The following GABRG3 variants were observed in gnomAD, a reference collection of about 807,000 sequenced individuals.
GABRG3 encodes gamma-aminobutyric acid type A receptor subunit gamma3.
Under a neutral mutation model 48.8 loss-of-function variants are expected in GABRG3, and 25 were observed. The ratio of observed to expected loss-of-function variants is 0.51; its 90% CI spans 0.37 to 0.72. The LOEUF is 0.72. GABRG3 is among the 30% of genes least tolerant of loss of function. The pLI is 0.00. For synonymous variants in GABRG3, 227 were observed against 217.6 expected, an observed-to-expected ratio of 1.04 and a Z score of -0.38; for missense variants, 394 against 577.9, an observed-to-expected ratio of 0.68 and a Z score of 3.26.
chr15:26,978,395 G>T (rs995329456), intron 2 of GABRG3, among the ~76,000 whole-genome samples: 2 of 151,834 alleles, frequency 1.3e-5, no homozygotes, highest in Non-Finnish European at 2.9e-5. Context: ...TAAGAATTCT[G>T]CATGAAGCCC....
chr15:27,474,598 C>T (rs550306846), intron 5 of GABRG3, among the ~76,000 whole-genome samples: 48 of 152,238 alleles, frequency 3.2e-4, no homozygotes, highest in African/African-American at 9.1e-4. Context: ...AATGCATTCA[C>T]GACCTTGATT....
chr15:27,362,134 T>A (rs984839191), intron 5 of GABRG3, among the ~76,000 whole-genome samples: 6 of 152,212 alleles, frequency 3.9e-5, no homozygotes, highest in African/African-American at 1.4e-4. Flanking sequence ...AGACTGGATG[T>A]TCTCCCAAGC....
In GABRG3 at chr15:27,533,195, A is replaced by T. The variant is rs1036068630; in HGVS notation, c.*314A>T. On this transcript the variant is annotated 3_prime_UTR_variant, in exon 10 of 10. Coordinates refer to ENST00000615808, the MANE Select transcript of GABRG3 (RefSeq NM_033223.5). ...AAGCAGCCGCTGATTACCCTTGCAA[A>T]GAAATCTGTAAAATGTGCACGTGAA... is the stretch of plus-strand genomic sequence containing the variant. The T allele has an allele frequency of 3.4e-6, 1 of 292,100 alleles. No homozygotes were observed. The highest frequency in any genetic ancestry group is 2.2e-5 in the African/African-American group (1 of 45,684). 18.1% of individuals were successfully genotyped at this position (292,100 alleles called of 1,614,324 possible).
chr15:27,302,406 T>C (rs1039046897), intron 3 of GABRG3, among the ~76,000 whole-genome samples: 8 of 151,946 alleles, frequency 5.3e-5, no homozygotes, highest in African/African-American at 1.9e-4. Flanking sequence ...TTACACTACA[T>C]AATGAGAAAT....
At chr15:27,470,890 T>A (rs1310974817) in intron 5 of GABRG3, among the ~76,000 whole-genome samples, 2 of 147,352 alleles carry the variant, frequency 1.4e-5, no homozygotes, top group Non-Finnish European at 3.0e-5. Flanking sequence ...ATTTCTCAAA[T>A]CCTAGTATAT....
At position 27,054,304 on chromosome 15, in the gene GABRG3, G is replaced by C. The variant is rs188997093; in HGVS notation, c.270+27483G>C. ...GGGGCCAAGGACTGAAAAACTGCCTGTTGGGTTCTGTGCTCACTACCTGGG... is the reference window on the plus strand; with the variant it reads ...GGGGCCAAGGACTGAAAAACTGCCTCTTGGGTTCTGTGCTCACTACCTGGG... On this transcript the variant is annotated intron_variant, in intron 3 of 9. Transcript: ENST00000615808. Among the ~76,000 whole-genome samples the C allele has an allele frequency of 3.9e-5, 6 of 152,124 alleles. No individual in the cohort carries two copies. In the East Asian group the frequency reaches 9.7e-4, roughly 25 times the overall value.
At chr15:27,093,782 G>A (rs1446565276) in intron 3 of GABRG3, among the ~76,000 whole-genome samples, 1 of 152,122 alleles carries the variant, frequency 6.6e-6, no homozygotes, top group Non-Finnish European at 1.5e-5. Context: ...AGGAACTTCA[G>A]AAGGTATTGA....
chr15:27,074,563 A>G (rs981220677), intron 3 of GABRG3, among the ~76,000 whole-genome samples: 3 of 151,820 alleles, frequency 2.0e-5, no homozygotes, highest in African/African-American at 7.3e-5. Flanking sequence ...CTGGAGTACC[A>G]GGAGGTGGCT....
chr15:27,437,705 C>T (rs3922612), intron 5 of GABRG3, among the ~76,000 whole-genome samples: 21,187 of 152,190 alleles, frequency 0.14, 1,767 homozygotes, highest in East Asian at 0.32. Context: ...TTCATCCATT[C>T]GTGTTGCTGT....
At chr15:27,167,505 G>C (rs1887418035) in intron 3 of GABRG3, among the ~76,000 whole-genome samples, 1 of 152,202 alleles carries the variant, frequency 6.6e-6, no homozygotes, top group Non-Finnish European at 1.5e-5. Flanking sequence ...GGGTGGCTCA[G>C]AGTGAGGCTA....
At chr15:27,128,467 G>T (rs543414270) in intron 3 of GABRG3, among the ~76,000 whole-genome samples, 1 of 152,346 alleles carries the variant, frequency 6.6e-6, no homozygotes, top group East Asian at 1.9e-4. Context: ...CGAGTCATCT[G>T]CCCACGCCTT....
intron 5 of GABRG3, among the ~76,000 whole-genome samples, chr15:27,377,641 G>A (rs1192858137): frequency 6.6e-6 from 1 of 152,150 alleles, no homozygotes; most frequent in African/African-American, 2.4e-5. Flanking sequence ...CTGCCCCCAT[G>A]ATTCAACTAC....
chr15:27,354,432 C>A (rs1894768209), intron 5 of GABRG3, among the ~76,000 whole-genome samples: 1 of 152,168 alleles, frequency 6.6e-6, no homozygotes, highest in South Asian at 2.1e-4. Context: ...TATGACTTGA[C>A]CCATGCCTAC....
At chr15:27,074,634 A>G (rs1157302591) in intron 3 of GABRG3, among the ~76,000 whole-genome samples, 1 of 150,250 alleles carries the variant, frequency 6.7e-6, no homozygotes, top group Non-Finnish European at 1.5e-5. Context: ...TATATTCCAT[A>G]GCATTTACTT....
chr15:27,370,204 T>A lies in GABRG3; in HGVS notation c.574+41316T>A, dbSNP rs921301940. On this transcript the variant is annotated intron_variant, in intron 5 of 9. Coordinates refer to ENST00000615808, the MANE Select transcript of GABRG3 (RefSeq NM_033223.5). ...GTTTCCACATCTATCAAATGAAGTA[T>A]TTGCCTGGGTGATCCTGAAGTATCT... is the stretch of plus-strand genomic sequence containing the variant. Among the ~76,000 whole-genome samples the A allele has an allele frequency of 6.6e-5, 10 of 152,214 alleles. No individual in the cohort carries two copies. The East Asian group carries it at 1.3e-3, about 20-fold the overall frequency.
chr15:27,028,678 C>T (rs778368385), intron 3 of GABRG3, among the ~76,000 whole-genome samples: 26 of 151,818 alleles, frequency 1.7e-4, no homozygotes, highest in South Asian at 6.3e-4. Flanking sequence ...TGGTGGCAGG[C>T]GCCTGTAGTC....
intron 5 of GABRG3, among the ~76,000 whole-genome samples, chr15:27,468,647 C>G (rs763754878): frequency 1.3e-5 from 2 of 152,110 alleles, no homozygotes; most frequent in Admixed American, 6.6e-5. Context: ...TATTACTCCT[C>G]ACTGTATTAT....
intron 3 of GABRG3, among the ~76,000 whole-genome samples, chr15:27,166,760 C>T (rs1887388049): frequency 6.6e-6 from 1 of 152,138 alleles, no homozygotes. Context: ...AATAAAATCA[C>T]AATTTTACCC....
Position 27,105,694 on chromosome 15 carries a change from G to A in GABRG3, c.270+78873G>A, listed in dbSNP as rs191547857. 1.9e-4 allele frequency among the ~76,000 whole-genome samples: 29 copies of A among 152,272 alleles called. 1 individual carries two copies. The highest frequency in any genetic ancestry group is 6.7e-4 in the African/African-American group (28 of 41,568). On this transcript the variant is annotated intron_variant, in intron 3 of 9. Coordinates refer to ENST00000615808, the MANE Select transcript of GABRG3 (RefSeq NM_033223.5). Reference sequence around the variant, plus strand: ...GAAAAGGGAAACTTGAACACTGTTGGTGAAGTGTAGATTGGTGCAGTCATT... The same window carrying A: ...GAAAAGGGAAACTTGAACACTGTTGATGAAGTGTAGATTGGTGCAGTCATT...
Sources: allele counts gnomAD v4.1 joint callset (sites outside exome capture counted in the v4.1 genomes callset), GRCh38; gene constraint gnomAD v4.1.1; transcripts MANE v1.5; gene names NCBI Gene and HGNC (gene_info 2026-07-23, HGNC 2026-07-21).